PCDHAC2: variants seen among roughly 807,000 people sequenced by gnomAD.
The protein encoded by PCDHAC2 is protocadherin alpha subfamily C, 2.
PCDHAC2 carries 24 observed loss-of-function variants against 63.3 expected under a neutral mutation model. That is an observed-to-expected ratio of 0.38 (90% CI 0.27 to 0.53). The LOEUF (loss-of-function observed/expected upper bound fraction) is 0.53, where lower values mean the gene tolerates loss of function less well. Among genes scored for constraint, PCDHAC2 ranks in the 20% least tolerant of loss-of-function variants. The probability of loss-of-function intolerance (pLI) is 0.81; values close to 1 mark genes in which losing one functional copy is unlikely to be tolerated. For missense variants in PCDHAC2, 1,181 were observed against 1,275.2 expected (o/e 0.93, Z 1.12); for synonymous variants, 569 against 529.4 (o/e 1.07, Z -1.03).
intron 3 of PCDHAC2, among the ~76,000 whole-genome samples, chr5:140,999,978 G>A (rs980753359): frequency 5.9e-5 from 9 of 151,942 alleles, no homozygotes; most frequent in South Asian, 2.1e-4. Flanking sequence ...CAGCTCTAGC[G>A]GCCTCTGGGT....
intron 1 of PCDHAC2, chr5:140,969,555 C>A: frequency 1.6e-6 from 2 of 1,213,380 alleles, no homozygotes; most frequent in Non-Finnish European, 2.2e-6. Flanking sequence ...GAAGCCTTGT[C>A]CATAAAATTG....
intron 3 of PCDHAC2, among the ~76,000 whole-genome samples, chr5:140,993,524 A>ACGGG (rs2097569997): frequency 2.0e-5 from 3 of 147,314 alleles, no homozygotes; most frequent in Admixed American, 2.0e-4. Flanking sequence ...AGAGAGAGAC[A>ACGGG]GAGAGAGAGA....
intron 2 of PCDHAC2, among the ~76,000 whole-genome samples, chr5:140,980,956 C>T (rs2096912703): frequency 6.6e-6 from 1 of 152,110 alleles, no homozygotes; most frequent in Non-Finnish European, 1.5e-5. Flanking sequence ...AGGATAGTTA[C>T]ACCTTCATGA....
intron 1 of PCDHAC2, among the ~76,000 whole-genome samples, chr5:140,970,418 G>A (rs1377182658): frequency 6.6e-6 from 1 of 152,220 alleles, no homozygotes; most frequent in East Asian, 1.9e-4. Flanking sequence ...ACAGTAAGGT[G>A]TAGAGGCAGG....
intron 3 of PCDHAC2, among the ~76,000 whole-genome samples, chr5:141,003,915 C>T (rs2153979429): frequency 6.6e-6 from 1 of 152,298 alleles, no homozygotes; most frequent in African/African-American, 2.4e-5. Context: ...GTCTTGACTG[C>T]ATCCTCAGTC....
chr5:141,010,321 G>A lies in PCDHAC2; in HGVS notation c.*384G>A. The A allele has an allele frequency of 1.3e-6, 2 of 1,541,244 alleles. No individual in the cohort carries two copies. Among genetic ancestry groups the A allele is most frequent in the South Asian group, 1.2e-5 (1 of 82,726 alleles). On this transcript the variant is annotated 3_prime_UTR_variant, in exon 4 of 4. Transcript: ENST00000289269. ...GGCTGAAAAGTTTTGAGATTGAGCA[G>A]CTTGGGAGTTTGTGGCCACTGGGTA...
intron 3 of PCDHAC2, among the ~76,000 whole-genome samples, chr5:141,003,559 T>C (rs2098129977): frequency 6.6e-6 from 1 of 152,106 alleles, no homozygotes; most frequent in Admixed American, 6.5e-5. Context: ...GTGATCCACC[T>C]GCCTCAGACT....
chr5:140,972,213 C>T (rs1312530794), intron 1 of PCDHAC2, among the ~76,000 whole-genome samples: 3 of 151,932 alleles, frequency 2.0e-5, no homozygotes, highest in African/African-American at 7.3e-5. Flanking sequence ...GAATATGGCT[C>T]ACTGCAGCCT....
chr5:141,009,690 T>G lies in PCDHAC2; in HGVS notation c.2777T>G (p.Phe926Cys). The G allele has an allele frequency of 6.2e-7, 1 of 1,614,068 alleles. No homozygotes were observed. The highest frequency in any genetic ancestry group is 8.5e-7 in the Non-Finnish European group (1 of 1,180,024). The change falls in exon 4 of 4, where the codon TTT (phenylalanine) becomes TGT (cysteine). Residue 926 changes from phenylalanine to cysteine, a missense_variant. Phe to Cys is a radical substitution (Grantham distance 205). Coordinates refer to ENST00000289269, the MANE Select transcript of PCDHAC2 (RefSeq NM_018899.6). ...GGTGTCAACAGCAACAGCTGGACCT[T>G]TAAATACGGACCAGGCAACCCCAAA... ...GAGVNSNSWT[F>C]KYGPGNPKQS...
chr5:140,967,943 G>T lies in PCDHAC2; in HGVS notation c.1177G>T (p.Asp393Tyr). The T allele has an allele frequency of 6.2e-7, 1 of 1,614,190 alleles. No individual in the cohort carries two copies. Residue 393 changes from aspartate (D) to tyrosine (Y), a missense_variant, in exon 1 of 4, where the codon GAC becomes TAC. Asp to Tyr is a radical substitution (Grantham distance 160). Coordinates refer to ENST00000289269, the MANE Select transcript of PCDHAC2 (RefSeq NM_018899.6). ...IVAVLSVNDQ[D>Y]SGPNRKVSLG... ...GGCCGTTCTCAGTGTCAATGACCAA[G>T]ACTCAGGCCCCAACCGGAAAGTGAG...
intron 3 of PCDHAC2, among the ~76,000 whole-genome samples, chr5:141,006,287 C>A (rs1407881243): frequency 6.6e-6 from 1 of 152,060 alleles, no homozygotes; most frequent in African/African-American, 2.4e-5. Flanking sequence ...TCTCAGCTCA[C>A]TGCAAGCTCC....
Position 140,966,731 on chromosome 5 carries a change from G to C in PCDHAC2, c.-36G>C, listed in dbSNP as rs2096045524. 3 of 1,405,020 alleles carry C rather than the reference G, an allele frequency of 2.1e-6. No individual in the cohort carries two copies. The highest frequency in any genetic ancestry group is 2.8e-6 in the Non-Finnish European group (3 of 1,086,652). The allele number at this position is 1,405,020 out of a possible 1,614,324, so 87.0% of individuals were successfully genotyped here. On this transcript the variant is annotated 5_prime_UTR_variant, in exon 1 of 4. Coordinates refer to ENST00000289269, the MANE Select transcript of PCDHAC2 (RefSeq NM_018899.6). Reference sequence around the variant, plus strand: ...CACGGCTGGGGAAGCTGCCGCCTCCGGCCCTGCCCGGCTGCCTCCGCCGCG... The same window carrying C: ...CACGGCTGGGGAAGCTGCCGCCTCCCGCCCTGCCCGGCTGCCTCCGCCGCG...
chr5:141,000,393 C>A (rs60881126), intron 3 of PCDHAC2, among the ~76,000 whole-genome samples: 1,562 of 52,558 alleles, frequency 0.03, 14 homozygotes, highest in East Asian at 0.037. Context: ...CTCTCTCTCT[C>A]TCTATATATA....
intron 2 of PCDHAC2, 155 bp downstream of exon 2, chr5:140,979,162 T>C: frequency 2.1e-6 from 2 of 975,444 alleles, no homozygotes; most frequent in Non-Finnish European, 2.4e-6. Context: ...TGTTTATTCC[T>C]TGAAAGATCG....
chr5:140,991,019 T>G (rs1333119856), intron 3 of PCDHAC2, among the ~76,000 whole-genome samples: 1 of 152,178 alleles, frequency 6.6e-6, no homozygotes, highest in Non-Finnish European at 1.5e-5. Flanking sequence ...GATAAGCACT[T>G]TACATATGTT....
rs1354537383 is a variant in PCDHAC2 at position 140,982,283 on chromosome 5, A to G, written c.2625-192A>G. On this transcript the variant is annotated intron_variant, in intron 2 of 3. Coordinates refer to ENST00000289269, the MANE Select transcript of PCDHAC2 (RefSeq NM_018899.6). The stretch of plus-strand genomic sequence containing the variant: ...TGTTCCTGGAATAGTATAGCAGGCA[A>G]TAAGTAAGTCAGCAATGCTTCTGCA... 1.7e-5 allele frequency: 18 copies of G among 1,044,438 alleles called. No homozygotes were observed. In the East Asian group the frequency reaches 2.7e-4, roughly 16 times the overall value. 64.7% of individuals were successfully genotyped at this position (1,044,438 alleles called of 1,614,324 possible).
chr5:141,007,517 G>A (rs2098333696), intron 3 of PCDHAC2, among the ~76,000 whole-genome samples: 1 of 151,984 alleles, frequency 6.6e-6, no homozygotes, highest in African/African-American at 2.4e-5. Flanking sequence ...GCAGTGAGCT[G>A]ATATCTCGCC....
At chr5:140,971,977 G>A (rs891260348) in intron 1 of PCDHAC2, among the ~76,000 whole-genome samples, 1 of 152,022 alleles carries the variant, frequency 6.6e-6, no homozygotes, top group Non-Finnish European at 1.5e-5. Context: ...AATACTATGA[G>A]TAGACAGAAG....
intron 3 of PCDHAC2, among the ~76,000 whole-genome samples, chr5:140,984,059 C>A (rs1269975627): frequency 6.6e-6 from 1 of 152,108 alleles, no homozygotes; most frequent in East Asian, 1.9e-4. Flanking sequence ...CAAATCTGTA[C>A]CCTCAGTGCC....
Sources: allele counts gnomAD v4.1 joint callset (sites outside exome capture counted in the v4.1 genomes callset), GRCh38; gene constraint gnomAD v4.1.1; transcripts MANE v1.5; gene names NCBI Gene and HGNC (gene_info 2026-07-23, HGNC 2026-07-21).